Variants in DLGAP1 observed in about 807,000 individuals in gnomAD.
DLGAP1 encodes disks large-associated protein 1.
DLGAP1 carries 11 observed loss-of-function variants against 90.8 expected under a neutral mutation model. The ratio of observed to expected loss-of-function variants is 0.12; its 90% CI spans 0.08 to 0.20. The LOEUF (loss-of-function observed/expected upper bound fraction) is 0.20, where lower values mean the gene tolerates loss of function less well. Among genes scored for constraint, DLGAP1 ranks in the 10% least tolerant of loss-of-function variants. The pLI is 1.00. For missense variants in DLGAP1, 1,050 were observed against 1,333.8 expected (o/e 0.79, Z 3.31); for synonymous variants, 558 against 540.7 (o/e 1.03, Z -0.44).
At chr18:3,789,646 C>T (rs2065632100) in intron 5 of DLGAP1, among the ~76,000 whole-genome samples, 1 of 152,108 alleles carries the variant, frequency 6.6e-6, no homozygotes, top group South Asian at 2.1e-4. Context: ...GAGAGAGGGG[C>T]ATCACTTAAG....
chr18:3,655,805 A>G (rs773980906), intron 7 of DLGAP1: 11 of 395,114 alleles, frequency 2.8e-5, no homozygotes, highest in African/African-American at 6.1e-5. Context: ...AGAAGAGCCC[A>G]GGCTCGCTGA....
intron 1 of DLGAP1, among the ~76,000 whole-genome samples, chr18:4,178,204 C>A (rs796346833): frequency 2.2e-3 from 58 of 26,036 alleles, no homozygotes; most frequent in African/African-American, 8.5e-3. Context: ...CTGGAATAAA[C>A]ACACACACAC....
chr18:3,981,669 G>A (rs1429714595), intron 3 of DLGAP1, among the ~76,000 whole-genome samples: 1 of 152,188 alleles, frequency 6.6e-6, no homozygotes, highest in East Asian at 1.9e-4. Flanking sequence ...AATCTCCAAT[G>A]CCCTTCAGAT....
intron 3 of DLGAP1, among the ~76,000 whole-genome samples, chr18:3,897,501 G>A (rs962406530): frequency 6.6e-6 from 1 of 152,138 alleles, no homozygotes; most frequent in Non-Finnish European, 1.5e-5. Context: ...AAAGTCCATG[G>A]CTTCATGACA....
At chr18:4,055,721 T>G (rs2075204496) in intron 2 of DLGAP1, among the ~76,000 whole-genome samples, 1 of 152,142 alleles carries the variant, frequency 6.6e-6, no homozygotes, top group Non-Finnish European at 1.5e-5. Context: ...TGGCACTGTT[T>G]GGTGAACTGT....
intron 3 of DLGAP1, among the ~76,000 whole-genome samples, chr18:3,904,302 G>A (rs1026835185): frequency 1.3e-5 from 2 of 152,336 alleles, no homozygotes; most frequent in Middle Eastern, 6.8e-3. Flanking sequence ...GTCTAGACGA[G>A]TTTTGATGGC....
chr18:3,842,538 C>T (rs1036670462), intron 4 of DLGAP1, among the ~76,000 whole-genome samples: 7 of 150,570 alleles, frequency 4.6e-5, no homozygotes, highest in Admixed American at 1.3e-4. Flanking sequence ...TAACTGGGAT[C>T]GTGGCAAAAG....
intron 3 of DLGAP1, among the ~76,000 whole-genome samples, chr18:3,891,172 C>G (rs1035437059): frequency 6.6e-6 from 1 of 152,172 alleles, no homozygotes; most frequent in Non-Finnish European, 1.5e-5. Context: ...ACAGTTTATT[C>G]CATACACTGT....
chr18:4,449,739 G>GACCGTAAAAGGACCAT (rs2083771543), intron 1 of DLGAP1, among the ~76,000 whole-genome samples: 2 of 152,106 alleles, frequency 1.3e-5, no homozygotes, highest in East Asian at 3.9e-4. Context: ...CCATGAAAAA[G>GACCGTAAAAGGACCAT]GAATAAAGTG....
intron 3 of DLGAP1, among the ~76,000 whole-genome samples, chr18:3,949,338 T>A (rs2072937513): frequency 6.6e-6 from 1 of 152,206 alleles, no homozygotes; most frequent in Admixed American, 6.5e-5. Context: ...GTGTTTCTTC[T>A]GCTCTGCCTC....
At chr18:3,540,025 G>A (rs1351917219) in intron 9 of DLGAP1, among the ~76,000 whole-genome samples, 1 of 152,024 alleles carries the variant, frequency 6.6e-6, no homozygotes, top group African/African-American at 2.4e-5. Context: ...AATATATGTG[G>A]GATCTGAAAT....
intron 9 of DLGAP1, among the ~76,000 whole-genome samples, chr18:3,551,710 C>CCCTTCCTTCCTTCCTT (rs1555677529): frequency 3.2e-5 from 1 of 31,204 alleles, no homozygotes; most frequent in Non-Finnish European, 5.4e-5. Flanking sequence ...CTCCCTCCCT[C>CCCTTCCTTCCTTCCTT]CCTCCCTCCC....
chr18:3,633,174 A>C (rs1053359524), intron 7 of DLGAP1, among the ~76,000 whole-genome samples: 5 of 152,130 alleles, frequency 3.3e-5, no homozygotes, highest in Non-Finnish European at 7.4e-5. Flanking sequence ...AAGGCGAGCA[A>C]ATCATTCGGT....
Position 3,879,199 on chromosome 18 carries a change from C to A in DLGAP1, c.870G>T (p.Glu290Asp). The A allele has an allele frequency of 1.9e-6, 3 of 1,545,770 alleles. No individual in the cohort carries two copies. Among genetic ancestry groups the A allele is most frequent in the Non-Finnish European group, 2.6e-6 (3 of 1,146,960 alleles). ...SSTLTVSRAR[E>D]VYQKASVNMD... Reference sequence around the variant, plus strand: ...TGTTCACCGAGGCCTTCTGGTAAACCTCCCGGGCCCGGCTCACGGTGAGCG... The same window carrying A: ...TGTTCACCGAGGCCTTCTGGTAAACATCCCGGGCCCGGCTCACGGTGAGCG... Residue 290 changes from glutamate (E) to aspartate (D), a missense_variant, in exon 4 of 13, where the codon GAG becomes GAT. Around this residue, in one of 2 missense-constraint regions of DLGAP1, gnomAD observed 485 missense variants for 454.1 expected, o/e 1.07. Coordinates refer to ENST00000315677, the MANE Select transcript of DLGAP1 (RefSeq NM_004746.4). This position sits in a 1 kb window ranked among gnomAD's most constrained non-coding sequence, Gnocchi z 6.6.
intron 7 of DLGAP1, among the ~76,000 whole-genome samples, chr18:3,639,052 T>A (rs940232152): frequency 7.9e-5 from 12 of 152,130 alleles, no homozygotes; most frequent in African/African-American, 2.9e-4. Context: ...TTTACCCTCG[T>A]CGGTTTTGAA....
At chr18:4,415,689 G>A (rs919442639) in intron 1 of DLGAP1, among the ~76,000 whole-genome samples, 13 of 152,262 alleles carry the variant, frequency 8.5e-5, no homozygotes, top group African/African-American at 3.1e-4. Flanking sequence ...AATTGGCTCT[G>A]TCACTTACTA....
chr18:4,106,522 C>T (rs8084580), intron 2 of DLGAP1, among the ~76,000 whole-genome samples: 24,957 of 152,130 alleles, frequency 0.16, 2,236 homozygotes, highest in South Asian at 0.27. Flanking sequence ...GCTGTTTTAA[C>T]TGTGCAGGTC....
intron 3 of DLGAP1, among the ~76,000 whole-genome samples, chr18:3,968,990 G>A (rs1314419702): frequency 6.6e-6 from 1 of 151,914 alleles, no homozygotes; most frequent in East Asian, 1.9e-4. Flanking sequence ...TTTGCAGGTG[G>A]CAAGAGACCA....
At chr18:4,336,191 G>A (rs9303948) in intron 1 of DLGAP1, among the ~76,000 whole-genome samples, 76,161 of 152,052 alleles carry the variant, frequency 0.5, 20,750 homozygotes, top group African/African-American at 0.73. Flanking sequence ...AAAAAGATAC[G>A]TATGCACCAT....
Sources: gnomAD v4.1 joint callset for allele counts (sites outside exome capture counted in the v4.1 genomes callset) on GRCh38, gnomAD v4.1.1 for gene constraint, gnomAD v4.1.1 regional missense constraint, Gnocchi (gnomAD v3.1) non-coding constraint, MANE v1.5 for transcripts, NCBI Gene and HGNC (gene_info 2026-07-23, HGNC 2026-07-21) for gene names.